C1orf185: variants seen among roughly 807,000 people sequenced by gnomAD.
C1orf185 encodes the protein uncharacterized protein C1orf185.
A neutral mutation model predicts 16.1 loss-of-function variants in C1orf185; 13 were observed. The ratio of observed to expected loss-of-function variants is 0.81; its 90% CI spans 0.53 to 1.28. The LOEUF (loss-of-function observed/expected upper bound fraction) is 1.28, where lower values mean the gene tolerates loss of function less well. Ranked by LOEUF, C1orf185 falls within the 50% of genes most tolerant of loss-of-function variation. The probability of loss-of-function intolerance (pLI) is 0.00; values close to 1 mark genes in which losing one functional copy is unlikely to be tolerated. For missense variants in C1orf185, 220 were observed against 225.2 expected, an observed-to-expected ratio of 0.98 and a Z score of 0.15; for synonymous variants, 80 against 76.9, an observed-to-expected ratio of 1.04 and a Z score of -0.21.
intron 3 of C1orf185, among the ~76,000 whole-genome samples, chr1:51,123,495 A>G (rs1646212718): frequency 6.6e-6 from 1 of 152,226 alleles, no homozygotes; most frequent in South Asian, 2.1e-4. Context: ...AGGTTTTTGT[A>G]TAAACATAAA....
intron 3 of C1orf185, among the ~76,000 whole-genome samples, chr1:51,121,290 C>T (rs1273588014): frequency 6.6e-6 from 1 of 152,118 alleles, no homozygotes; most frequent in African/African-American, 2.4e-5. Flanking sequence ...GGTATCCTGC[C>T]ATCCCAGCCC....
chr1:51,115,713 C>G (rs1472967968), intron 2 of C1orf185, among the ~76,000 whole-genome samples: 1 of 152,072 alleles, frequency 6.6e-6, no homozygotes, highest in African/African-American at 2.4e-5. Context: ...ATCTTTATGT[C>G]TCTATGAAGC....
chr1:51,114,460 C>T lies in C1orf185; in HGVS notation c.122+1891C>T, dbSNP rs1033470474. On this transcript the variant is annotated intron_variant, in intron 2 of 4. Transcript: ENST00000371759. Reference sequence around the variant, plus strand: ...ATCCTAGGCCTGGTGCGGTGACTCACGTCTGTAATCCCAGCACTTTGGGAG... The same window carrying T: ...ATCCTAGGCCTGGTGCGGTGACTCATGTCTGTAATCCCAGCACTTTGGGAG... Among the ~76,000 whole-genome samples, 11 of 152,302 alleles carry T rather than the reference C, an allele frequency of 7.2e-5. No individual in the cohort carries two copies. The East Asian group carries it at 1.9e-3, about 27-fold the overall frequency.
chr1:51,125,826 G>T (rs956290380), intron 3 of C1orf185, among the ~76,000 whole-genome samples: 2 of 152,134 alleles, frequency 1.3e-5, no homozygotes, highest in African/African-American at 4.8e-5. Flanking sequence ...GGGTCCCAAA[G>T]AGGAGGTGCC....
At position 51,118,779 on chromosome 1, in the gene C1orf185, A is replaced by G. The variant is rs2148015633; in HGVS notation, c.236A>G (p.His79Arg). 2 of 1,463,144 alleles carry G rather than the reference A, an allele frequency of 1.4e-6. No individual in the cohort carries two copies. The highest frequency in any genetic ancestry group is 2.8e-5 in the African/African-American group (2 of 70,530). The allele number at this position is 1,463,144 out of a possible 1,614,324, so 90.6% of individuals were successfully genotyped here. Residue 79 changes from histidine (H) to arginine (R), a missense_variant, in exon 3 of 5, where the codon CAT becomes CGT. By Grantham distance (29) the His-to-Arg change is conservative (BLOSUM62 0). Transcript: ENST00000371759. ...TGTGTTTTTATTTCTCGAAATTTTC[A>G]TACTGGGAGATTCCAATTACAGGTA... ...SQCVFISRNF[H>R]TGRFQLQEEQ...
intron 1 of C1orf185, among the ~76,000 whole-genome samples, chr1:51,110,919 A>C (rs981135122): frequency 6.6e-6 from 1 of 151,278 alleles, no homozygotes. Context: ...CAGTGAGCCG[A>C]GATCTCACCA....
chr1:51,138,286 A>G (rs1646340924), intron 3 of C1orf185, among the ~76,000 whole-genome samples: 1 of 152,236 alleles, frequency 6.6e-6, no homozygotes, highest in South Asian at 2.1e-4. Flanking sequence ...TAAAATTGTG[A>G]TAAAATACAC....
At chr1:51,132,678 C>T (rs145185793) in intron 3 of C1orf185, among the ~76,000 whole-genome samples, 287 of 152,066 alleles carry the variant, frequency 1.9e-3, no homozygotes, top group Admixed American at 4.5e-3. Flanking sequence ...TTTCAGGATA[C>T]CATCCATCTC....
Position 51,103,984 on chromosome 1 carries a change from A to C in C1orf185, c.16+1735A>C, listed in dbSNP as rs528870808. The stretch of plus-strand genomic sequence containing the variant: ...AAAGTTCACAGATCCAGTTAGGCTT[A>C]TATCAGATCAAAGCAGACACCAACT... On this transcript the variant is annotated intron_variant, in intron 1 of 4. Coordinates refer to ENST00000371759, the MANE Select transcript of C1orf185 (RefSeq NM_001136508.2). Among the ~76,000 whole-genome samples the C allele has an allele frequency of 2.6e-5, 4 of 152,376 alleles. No homozygotes were observed. In the South Asian group the frequency reaches 8.3e-4, roughly 32 times the overall value.
intron 3 of C1orf185, among the ~76,000 whole-genome samples, chr1:51,137,067 A>T (rs1227911358): frequency 6.6e-6 from 1 of 152,200 alleles, no homozygotes; most frequent in Non-Finnish European, 1.5e-5. Context: ...ACAAGAAAAA[A>T]ACAAGCAGCC....
downstream of C1orf185, among the ~76,000 whole-genome samples, chr1:51,151,882 G>C (rs1348163790): frequency 6.6e-6 from 1 of 151,840 alleles, no homozygotes; most frequent in African/African-American, 2.4e-5. Flanking sequence ...GTAGAGACGG[G>C]GTTTCACCAT....
chr1:51,113,748 A>G (rs1429876791), intron 2 of C1orf185, among the ~76,000 whole-genome samples: 2 of 152,226 alleles, frequency 1.3e-5, no homozygotes, highest in African/African-American at 4.8e-5. Flanking sequence ...TTTAAAATAT[A>G]TAAATTGTAA....
At chr1:51,105,165 C>T (rs540507011) in intron 1 of C1orf185, among the ~76,000 whole-genome samples, 73 of 152,076 alleles carry the variant, frequency 4.8e-4, no homozygotes, top group Non-Finnish European at 4.4e-4. Context: ...TGGGGTTTCA[C>T]CATGTTGGCC....
chr1:51,145,749 C>A lies in C1orf185; in HGVS notation c.284C>A (p.Ala95Glu), dbSNP rs1368098988. 1 of 1,308,828 alleles carries A rather than the reference C, an allele frequency of 7.6e-7. No individual in the cohort carries two copies. Among genetic ancestry groups the A allele is most frequent in the South Asian group, 1.5e-5 (1 of 67,752 alleles). The allele number at this position is 1,308,828 out of a possible 1,614,324, so 81.1% of individuals were successfully genotyped here. A position where few individuals can be genotyped will look rare whatever the true frequency, so the allele number is the denominator to read the frequency against. ...GAGGAGCAAAGAAAAAAGGAAGCAG[C>A]ACATATAAAAGGTATTTTTTCTCAA... ...LQEEQRKKEA[A>E]HIKAIKDHSK... Residue 95 changes from alanine (A) to glutamate (E), a missense_variant, in exon 4 of 5, where the codon GCA becomes GAA. By Grantham distance (107) the Ala-to-Glu change is moderately radical. Transcript: ENST00000371759.
intron 4 of C1orf185, among the ~76,000 whole-genome samples, 194 bp downstream of exon 4, chr1:51,145,954 T>C (rs1646396216): frequency 6.6e-6 from 1 of 152,166 alleles, no homozygotes; most frequent in Admixed American, 6.6e-5. Context: ...TATCGTATCT[T>C]AAACTAAAAT....
intron 3 of C1orf185, among the ~76,000 whole-genome samples, chr1:51,124,077 G>GTTTT (rs1345838180): frequency 1.5e-5 from 2 of 137,058 alleles, no homozygotes; most frequent in African/African-American, 2.7e-5. Flanking sequence ...TTTCACTGTA[G>GTTTT]TTTGTTTTTT....
At chr1:51,114,552 G>A (rs1174683066) in intron 2 of C1orf185, among the ~76,000 whole-genome samples, 1 of 152,026 alleles carries the variant, frequency 6.6e-6, no homozygotes, top group Non-Finnish European at 1.5e-5. Flanking sequence ...GCAAAACTTT[G>A]TCTCTATTAA....
intron 3 of C1orf185, among the ~76,000 whole-genome samples, chr1:51,134,593 A>AAATAG (rs1351922411): frequency 3.9e-5 from 6 of 152,028 alleles, no homozygotes; most frequent in Non-Finnish European, 5.9e-5. Context: ...AAATAAAATA[A>AAATAG]AATAGACCAC....
chr1:51,109,640 A>G (rs1646101520), intron 1 of C1orf185, among the ~76,000 whole-genome samples: 1 of 152,092 alleles, frequency 6.6e-6, no homozygotes, highest in Non-Finnish European at 1.5e-5. Context: ...TTTTCCCCAC[A>G]AGAGGTTGTT....
Sources: gnomAD v4.1 joint callset for allele counts (sites outside exome capture counted in the v4.1 genomes callset) on GRCh38, gnomAD v4.1.1 for gene constraint, MANE v1.5 for transcripts, NCBI Gene and HGNC (gene_info 2026-07-23, HGNC 2026-07-21) for gene names.